The following LMBRD2 variants were observed in gnomAD, a reference collection of about 807,000 sequenced individuals.
LMBRD2 encodes the protein G protein-coupled receptor-associated protein LMBRD2.
LMBRD2 carries 55 observed loss-of-function variants against 94.4 expected under a neutral mutation model. The observed-to-expected ratio is 0.58, with a 90% confidence interval of 0.47 to 0.73. LMBRD2 has a LOEUF of 0.73. LMBRD2 is among the 30% of genes least tolerant of loss of function. LMBRD2 has a pLI of 0.00. For missense variants in LMBRD2, 640 were observed against 831.9 expected (o/e 0.77, Z 2.84); for synonymous variants, 246 against 272.4 (o/e 0.90, Z 0.95).
chr5:36,114,407 A>C lies in LMBRD2; in HGVS notation c.1640+17T>G. The C allele has an allele frequency of 3.9e-6, 6 of 1,550,636 alleles. No homozygotes were observed. The highest frequency in any genetic ancestry group is 5.2e-6 in the Non-Finnish European group (6 of 1,157,846). ...CAGATTTAAGAGCAAAAGAAAAAAC[A>C]ATGTTAAGTTTCTTACCTAAAATAA... On this transcript the variant is annotated intron_variant, in intron 13 of 17. Coordinates refer to ENST00000296603, the MANE Select transcript of LMBRD2 (RefSeq NM_001007527.2).
intron 1 of LMBRD2, chr5:36,148,002 T>C (rs1561525829): frequency 4.4e-6 from 1 of 228,066 alleles, no homozygotes; most frequent in Non-Finnish European, 9.8e-6. Context: ...ACTTCACATA[T>C]CTGTATTTTT....
intron 6 of LMBRD2, among the ~76,000 whole-genome samples, chr5:36,128,565 C>G (rs1744061670): frequency 6.6e-6 from 1 of 151,922 alleles, no homozygotes; most frequent in Non-Finnish European, 1.5e-5. Flanking sequence ...TAGAAGAATA[C>G]AAAAATTAGC....
chr5:36,116,622 G>T, intron 10 of LMBRD2, 29 bp from the exon 11 acceptor site: 1 of 1,604,186 alleles, frequency 6.2e-7, no homozygotes, highest in Non-Finnish European at 8.5e-7. Flanking sequence ...AAAGCAGTTT[G>T]TTTAAAACAA....
rs77463009 is a variant in LMBRD2, at chr5:36,113,418, G to A, written c.1640+1006C>T. On this transcript the variant is annotated intron_variant, in intron 13 of 17. Coordinates refer to ENST00000296603, the MANE Select transcript of LMBRD2 (RefSeq NM_001007527.2). ...ACATGTGAGTCCGCTGATGCTCCCA[G>A]CTGAATAAAGCCCTTTCCTTCTACA... Among the ~76,000 whole-genome samples the A allele has an allele frequency of 2.7e-4, 41 of 152,218 alleles. No homozygotes were observed. The East Asian group carries it at 6.2e-3, about 23-fold the overall frequency.
intron 1 of LMBRD2, among the ~76,000 whole-genome samples, chr5:36,145,606 C>T (rs1744518917): frequency 6.6e-6 from 1 of 152,124 alleles, no homozygotes; most frequent in Non-Finnish European, 1.5e-5. Context: ...AAACCATCTT[C>T]GAGATCTAGG....
At chr5:36,133,488 GAATAT>G (rs1744200841) in intron 6 of LMBRD2, among the ~76,000 whole-genome samples, 1 of 152,006 alleles carries the variant, frequency 6.6e-6, no homozygotes, top group African/African-American at 2.4e-5. Flanking sequence ...ATAACTAAAT[GAATAT>G]AATTGGATTG....
chr5:36,129,440 A>T (rs770096365), intron 6 of LMBRD2, among the ~76,000 whole-genome samples: 2 of 151,996 alleles, frequency 1.3e-5, no homozygotes, highest in African/African-American at 2.4e-5. Context: ...CTTACAGGCC[A>T]GGAGAGTGAC....
chr5:36,109,674 G>A (rs1415195556), intron 15 of LMBRD2, among the ~76,000 whole-genome samples: 2 of 151,996 alleles, frequency 1.3e-5, no homozygotes, highest in Non-Finnish European at 2.9e-5. Flanking sequence ...TTATTCATTC[G>A]ACAAATATTC....
intron 6 of LMBRD2, among the ~76,000 whole-genome samples, chr5:36,130,521 G>C (rs930865715): frequency 3.9e-5 from 6 of 151,948 alleles, no homozygotes; most frequent in Non-Finnish European, 8.8e-5. Flanking sequence ...GGAAAGAAAA[G>C]AATATCACAA....
At chr5:36,127,341 C>T (rs1744030322) in intron 6 of LMBRD2, among the ~76,000 whole-genome samples, 1 of 152,178 alleles carries the variant, frequency 6.6e-6, no homozygotes, top group Non-Finnish European at 1.5e-5. Context: ...GAAGTCTCCA[C>T]TGATTGTCCT....
chr5:36,113,950 C>A (rs892591659), intron 13 of LMBRD2, among the ~76,000 whole-genome samples: 1 of 152,176 alleles, frequency 6.6e-6, no homozygotes, highest in Admixed American at 6.5e-5. Context: ...CTCCTCTAAT[C>A]TTAATGTACA....
At chr5:36,107,280 A>G (rs906184278) in intron 16 of LMBRD2, among the ~76,000 whole-genome samples, 3 of 152,178 alleles carry the variant, frequency 2.0e-5, no homozygotes, top group Non-Finnish European at 4.4e-5. Flanking sequence ...ATCATTTAAC[A>G]TATCAATTGG....
chr5:36,118,539 C>G (rs1017596926), intron 9 of LMBRD2, among the ~76,000 whole-genome samples: 5 of 151,464 alleles, frequency 3.3e-5, no homozygotes, highest in Non-Finnish European at 5.9e-5. Context: ...GGATACAACT[C>G]TAAAATAGTA....
At chr5:36,119,285 A>G (rs976115108) in intron 9 of LMBRD2, among the ~76,000 whole-genome samples, 7 of 152,072 alleles carry the variant, frequency 4.6e-5, no homozygotes, top group Non-Finnish European at 5.9e-5. Flanking sequence ...TTTATTATCA[A>G]TATCTCCAGC....
At chr5:36,124,098 GCT>G in intron 7 of LMBRD2, 91 bp downstream of exon 7, 1 of 658,060 alleles carries the variant, frequency 1.5e-6, no homozygotes, top group Admixed American at 3.0e-5. Flanking sequence ...GAAGACCTCA[GCT>G]ATAGGCTGTT....
rs758924833 is a variant in LMBRD2 at position 36,114,405 on chromosome 5, AC to A, written c.1640+18del. 3 of 1,550,606 alleles carry A rather than the reference AC, an allele frequency of 1.9e-6. No individual in the cohort carries two copies. The highest frequency in any genetic ancestry group is 1.3e-5 in the South Asian group (1 of 79,536). Reference sequence around the variant, plus strand: ...TCCAGATTTAAGAGCAAAAGAAAAAACAATGTTAAGTTTCTTACCTAAAATA... The same window carrying A: ...TCCAGATTTAAGAGCAAAAGAAAAAAAATGTTAAGTTTCTTACCTAAAATA... On this transcript the variant is annotated intron_variant, in intron 13 of 17. Transcript: ENST00000296603.
chr5:36,114,757 T>C (rs1410032457), intron 12 of LMBRD2, among the ~76,000 whole-genome samples: 1 of 152,136 alleles, frequency 6.6e-6, no homozygotes, highest in African/African-American at 2.4e-5. Context: ...ACTACAAATA[T>C]AAAGTTAATA....
At chr5:36,120,386 G>A (rs376733218) in intron 9 of LMBRD2, among the ~76,000 whole-genome samples, 3 of 151,976 alleles carry the variant, frequency 2.0e-5, no homozygotes, top group Admixed American at 6.6e-5. Flanking sequence ...TCAGCCTCCC[G>A]AGTAGCTGGG....
intron 4 of LMBRD2, among the ~76,000 whole-genome samples, chr5:36,140,444 C>T (rs267761): frequency 0.018 from 2,760 of 152,292 alleles, 89 homozygotes; most frequent in African/African-American, 0.063. Flanking sequence ...GGCAAAGGTG[C>T]TACTGGCCAT....
Sources: gnomAD v4.1 joint callset for allele counts (sites outside exome capture counted in the v4.1 genomes callset) on GRCh38, gnomAD v4.1.1 for gene constraint, MANE v1.5 for transcripts, NCBI Gene and HGNC (gene_info 2026-07-23, HGNC 2026-07-21) for gene names.